The following PET100 variants were observed in gnomAD, a reference collection of about 807,000 sequenced individuals.
The protein encoded by PET100 is protein PET100 homolog, mitochondrial.
Under a neutral mutation model 13.6 loss-of-function variants are expected in PET100, and 13 were observed. The observed-to-expected ratio is 0.96, with a 90% CI of 0.62 to 1.52. PET100 has a LOEUF of 1.52. PET100 is among the 40% of genes most tolerant of loss of function. The pLI, the probability that PET100 is intolerant of heterozygous loss-of-function variation, is 0.00. For synonymous variants in PET100, 28 were observed against 30.8 expected (o/e 0.91, Z 0.30); for missense variants, 94 against 95.3 (o/e 0.99, Z 0.06).
intron 3 of PET100, 62 bp downstream of exon 3, chr19:7,630,908 G>T (rs1474169322): frequency 4.6e-6 from 7 of 1,533,866 alleles, no homozygotes; most frequent in African/African-American, 2.7e-5. Flanking sequence ...ATCCGGGATG[G>T]GTTTTAGATG....
At chr19:7,631,314 A>T in intron 3 of PET100, 159 bp from the exon 4 acceptor site, 1 of 1,401,384 alleles carries the variant, frequency 7.1e-7, no homozygotes, top group Non-Finnish European at 9.2e-7. Flanking sequence ...TCCCACGCGG[A>T]CCCCTTTGTA....
At position 7,630,675 on chromosome 19, in the gene PET100, G is replaced by C. The variant is rs2146193088; in HGVS notation, c.114+16G>C. 1 of 1,535,654 alleles carries C rather than the reference G, an allele frequency of 6.5e-7. No individual in the cohort carries two copies. Among genetic ancestry groups the C allele is most frequent in the South Asian group, 1.2e-5 (1 of 84,026 alleles). ...ACAGCGCAAGGTGGGCATAAGAGGA[G>C]TGTTTGAGGGTTCATTCCAGGGGTG... On this transcript the variant is annotated intron_variant, in intron 2 of 3. Coordinates refer to ENST00000594797, the MANE Select transcript of PET100 (RefSeq NM_001171155.2).
chr19:7,631,802 C>T lies in PET100; in HGVS notation c.*246C>T. 1 of 1,414,308 alleles carries T rather than the reference C, an allele frequency of 7.1e-7. No individual in the cohort carries two copies. The highest frequency in any genetic ancestry group is 9.3e-7 in the Non-Finnish European group (1 of 1,079,892). The allele number at this position is 1,414,308 out of a possible 1,614,324, so 87.6% of individuals were successfully genotyped here. A position where few individuals can be genotyped will look rare whatever the true frequency, so the allele number is the denominator to read the frequency against. ...CTGAGGGTCCCAGCTCGTTTCTGTG[C>T]TCCGTCCTGTGGATGAAGAGGGGTC... is the stretch of plus-strand genomic sequence containing the variant. On this transcript the variant is annotated 3_prime_UTR_variant, in exon 4 of 4. Transcript: ENST00000594797.
In PET100 at chr19:7,631,922, A is replaced by G; in HGVS notation, c.*366A>G. 1.8e-6 allele frequency: 2 copies of G among 1,096,392 alleles called. No individual in the cohort carries two copies. The highest frequency in any genetic ancestry group is 2.4e-6 in the Non-Finnish European group (2 of 826,356). 67.9% of individuals were successfully genotyped at this position (1,096,392 alleles called of 1,614,324 possible). On this transcript the variant is annotated 3_prime_UTR_variant, in exon 4 of 4. Coordinates refer to ENST00000594797, the MANE Select transcript of PET100 (RefSeq NM_001171155.2). The stretch of plus-strand genomic sequence containing the variant: ...CACCGTGTCCCACCTCATTGTGAGC[A>G]CTGGTCTATGTTTACCCTCAATATC...
Position 7,630,667 on chromosome 19 carries a change from T to A in PET100, c.114+8T>A, listed in dbSNP as rs1394298336. 6.5e-7 allele frequency: 1 copy of A among 1,536,488 alleles called. No individual in the cohort carries two copies. The highest frequency in any genetic ancestry group is 2.4e-5 in the East Asian group (1 of 40,900). ...GATGTCATACAGCGCAAGGTGGGCA[T>A]AAGAGGAGTGTTTGAGGGTTCATTC... On this transcript the variant is annotated splice_region_variant and intron_variant, in intron 2 of 3. Transcript: ENST00000594797.
At chr19:7,631,219 A>G in intron 3 of PET100, 1 of 1,389,470 alleles carries the variant, frequency 7.2e-7, no homozygotes, top group Non-Finnish European at 9.3e-7. Context: ...AAAAAGAAAC[A>G]TTTTACTCTC....
rs1304915189 is a variant in PET100 at position 7,629,863 on chromosome 19, C to T, written c.27+3C>T. ...GGGTGAAGCTGGAGATATTTCGGGT[C>T]AGTGGACACAGGAGTGGGTTGGGAG... On this transcript the variant is annotated splice_donor_region_variant and intron_variant, in intron 1 of 3. Transcript: ENST00000594797. 8 of 1,533,252 alleles carry T rather than the reference C, an allele frequency of 5.2e-6. No individual in the cohort carries two copies. The highest frequency in any genetic ancestry group is 2.7e-5 in the African/African-American group (2 of 72,886). The allele number at this position is 1,533,252 out of a possible 1,614,324, so 95.0% of individuals were successfully genotyped here.
intron 3 of PET100, 78 bp from the exon 4 acceptor site, chr19:7,631,395 T>TTGGGG: frequency 3.1e-6 from 1 of 318,046 alleles, no homozygotes; most frequent in Non-Finnish European, 5.1e-6. Flanking sequence ...GTGGGAGAGG[T>TTGGGG]GGGCGGGGGG....
At position 7,631,740 on chromosome 19, in the gene PET100, A is replaced by G; in HGVS notation, c.*184A>G. The G allele has an allele frequency of 6.9e-7, 1 of 1,444,458 alleles. No homozygotes were observed. Among genetic ancestry groups the G allele is most frequent in the Non-Finnish European group, 9.1e-7 (1 of 1,096,098 alleles). 89.5% of individuals were successfully genotyped at this position (1,444,458 alleles called of 1,614,324 possible). On this transcript the variant is annotated 3_prime_UTR_variant, in exon 4 of 4. Transcript: ENST00000594797. ...GGCTGCTGTTCCGACGGAAGCCGAG[A>G]GCGGTCGGGTCCTGAGGGGTGAGCA...
chr19:7,630,520 C>T, intron 1 of PET100, 53 bp from the exon 2 acceptor site: 1 of 1,397,582 alleles, frequency 7.2e-7, no homozygotes, highest in Non-Finnish European at 9.8e-7. Flanking sequence ...CTCTGAGGAG[C>T]CTCTGCACAT....
At chr19:7,630,261 A>G in intron 1 of PET100, 1 of 458,436 alleles carries the variant, frequency 2.2e-6, no homozygotes, top group Non-Finnish European at 3.9e-6. Context: ...TGCTCCCGGG[A>G]TCTTAAGTGG....
In PET100 at chr19:7,631,246, C is replaced by A. The variant is rs1039960876; in HGVS notation, c.139-227C>A. On this transcript the variant is annotated intron_variant, in intron 3 of 3. Transcript: ENST00000594797. ...TTTACTCTCAGCCATGAGTAAGGAA[C>A]CGAGAGCAGAGGAGTAGATGGTTTC... is the stretch of plus-strand genomic sequence containing the variant. 1.1e-5 allele frequency: 16 copies of A among 1,412,854 alleles called. No individual in the cohort carries two copies. In the African/African-American group the frequency reaches 2.3e-4, roughly 20 times the overall value. The allele number at this position is 1,412,854 out of a possible 1,614,324, so 87.5% of individuals were successfully genotyped here.
chr19:7,631,302 G>A (rs1384796243), intron 3 of PET100, 171 bp from the exon 4 acceptor site: 1 of 1,412,994 alleles, frequency 7.1e-7, no homozygotes, highest in Non-Finnish European at 9.2e-7. Flanking sequence ...GAGTGAAGCG[G>A]ATCCCACGCG....
intron 3 of PET100, chr19:7,631,181 C>A: frequency 7.9e-7 from 1 of 1,270,764 alleles, no homozygotes; most frequent in Non-Finnish European, 1.0e-6. Flanking sequence ...TGCACTCCAG[C>A]CTGGGCAATA....
At position 7,629,844 on chromosome 19, in the gene PET100, A is replaced by AC; in HGVS notation, c.11_12insC (p.Lys4AsnfsTer28). On this transcript the variant is annotated frameshift_variant, in exon 1 of 4. Coordinates refer to ENST00000594797, the MANE Select transcript of PET100 (RefSeq NM_001171155.2). LOFTEE classifies it high-confidence loss of function. ...ACCGGGAGAAACGAGATGGGGGTGA[A>AC]GCTGGAGATATTTCGGGTCAGTGGA... 6.5e-7 allele frequency: 1 copy of AC among 1,535,924 alleles called. No homozygotes were observed. The highest frequency in any genetic ancestry group is 8.7e-7 in the Non-Finnish European group (1 of 1,146,408).
In PET100 at chr19:7,630,570, C is replaced by T. The variant is rs2031257591; in HGVS notation, c.28-3C>T. On this transcript the variant is annotated splice_region_variant and splice_polypyrimidine_tract_variant and intron_variant, in intron 1 of 3. Coordinates refer to ENST00000594797, the MANE Select transcript of PET100 (RefSeq NM_001171155.2). ...TCACCTCACCCACCCTCTGCCATTCCAGATGATAATCTACCTCACTTTCCC... is the reference window on the plus strand; with the variant it reads ...TCACCTCACCCACCCTCTGCCATTCTAGATGATAATCTACCTCACTTTCCC... 6.5e-7 allele frequency: 1 copy of T among 1,536,182 alleles called. No individual in the cohort carries two copies. Among genetic ancestry groups the T allele is most frequent in the Non-Finnish European group, 8.7e-7 (1 of 1,146,024 alleles).
Position 7,630,670 on chromosome 19 carries a change from G to C in PET100, c.114+11G>C. ...GTCATACAGCGCAAGGTGGGCATAA[G>C]AGGAGTGTTTGAGGGTTCATTCCAG... On this transcript the variant is annotated intron_variant, in intron 2 of 3. Transcript: ENST00000594797. 6.5e-7 allele frequency: 1 copy of C among 1,536,638 alleles called. No homozygotes were observed. The highest frequency in any genetic ancestry group is 8.7e-7 in the Non-Finnish European group (1 of 1,146,324).
At chr19:7,631,399 C>CGGGGGGGGGGGTGGGGGGGGGG in intron 3 of PET100, 74 bp from the exon 4 acceptor site, 1 of 583,166 alleles carries the variant, frequency 1.7e-6, no homozygotes, top group Non-Finnish European at 2.4e-6. Flanking sequence ...GAGAGGTGGG[C>CGGGGGGGGGGGTGGGGGGGGGG]GGGGGGGGGT....
Position 7,631,746 on chromosome 19 carries a change from C to T in PET100, c.*190C>T, listed in dbSNP as rs755527439. ...TGTTCCGACGGAAGCCGAGAGCGGT[C>T]GGGTCCTGAGGGGTGAGCAGGGGTT... On this transcript the variant is annotated 3_prime_UTR_variant, in exon 4 of 4. Coordinates refer to ENST00000594797, the MANE Select transcript of PET100 (RefSeq NM_001171155.2). 8.3e-6 allele frequency: 12 copies of T among 1,445,078 alleles called. No individual in the cohort carries two copies. Among genetic ancestry groups the T allele is most frequent in the African/African-American group, 2.9e-5 (2 of 68,798 alleles). 89.5% of individuals were successfully genotyped at this position (1,445,078 alleles called of 1,614,324 possible). A position where few individuals can be genotyped will look rare whatever the true frequency, so the allele number is the denominator to read the frequency against.
Sources: gnomAD v4.1 joint callset for allele counts on GRCh38, gnomAD v4.1.1 for gene constraint, MANE v1.5 for transcripts, NCBI Gene and HGNC (gene_info 2026-07-23, HGNC 2026-07-21) for gene names.